Variants in IMMP2L observed in about 807,000 individuals in gnomAD.
IMMP2L encodes the protein inner mitochondrial membrane peptidase subunit 2.
A neutral mutation model predicts 19.3 loss-of-function variants in IMMP2L; 18 were observed. The observed-to-expected ratio is 0.93, with a 90% CI of 0.64 to 1.38. The LOEUF (loss-of-function observed/expected upper bound fraction) is 1.38. IMMP2L is among the 40% of genes most tolerant of loss of function. The probability of loss-of-function intolerance (pLI) is 0.00; values close to 1 mark genes in which losing one functional copy is unlikely to be tolerated. For synonymous variants in IMMP2L, 76 were observed against 73.0 expected (o/e 1.04, Z -0.21); for missense variants, 233 against 218.2 (o/e 1.07, Z -0.43).
chr7:111,317,515 T>C (rs1444808304), intron 3 of IMMP2L, among the ~76,000 whole-genome samples: 2 of 152,092 alleles, frequency 1.3e-5, no homozygotes, highest in African/African-American at 2.4e-5. Context: ...ATTTTGAAGA[T>C]ATAATAATAC....
At chr7:111,259,884 A>G (rs1377717145) in intron 3 of IMMP2L, among the ~76,000 whole-genome samples, 1 of 152,120 alleles carries the variant, frequency 6.6e-6, no homozygotes, top group African/African-American at 2.4e-5. Context: ...ACACAAACAC[A>G]CAAATTAGCC....
intron 3 of IMMP2L, among the ~76,000 whole-genome samples, chr7:110,988,230 A>C (rs1030666990): frequency 2.0e-5 from 3 of 152,228 alleles, no homozygotes; most frequent in African/African-American, 7.2e-5. Flanking sequence ...GTTTGGTAGC[A>C]GCCATAGGGG....
intron 3 of IMMP2L, among the ~76,000 whole-genome samples, chr7:111,334,471 G>A (rs1369958781): frequency 6.6e-6 from 1 of 151,944 alleles, no homozygotes; most frequent in Non-Finnish European, 1.5e-5. Context: ...TCAGTTGATT[G>A]GCACTTAGGT....
At chr7:111,155,062 A>T (rs1298737679) in intron 3 of IMMP2L, among the ~76,000 whole-genome samples, 2 of 152,120 alleles carry the variant, frequency 1.3e-5, no homozygotes, top group African/African-American at 4.8e-5. Context: ...CCAGATCATT[A>T]GTTATTATTA....
At position 111,421,482 on chromosome 7, in the gene IMMP2L, C is replaced by A. The variant is rs989041171; in HGVS notation, c.239+65756G>T. 7.0e-4 allele frequency among the ~76,000 whole-genome samples: 106 copies of A among 150,762 alleles called. 1 individual carries two copies. The highest frequency in any genetic ancestry group is 7.0e-3 in the Admixed American group (106 of 15,214). On this transcript the variant is annotated intron_variant, in intron 3 of 5. Coordinates refer to ENST00000405709, the MANE Select transcript of IMMP2L (RefSeq NM_032549.4). Reference sequence around the variant, plus strand: ...AGAGACGGGGTTTCACCGTGTTAGCCAGGATGGTCTCGATCTCCTGACCTT... The same window carrying A: ...AGAGACGGGGTTTCACCGTGTTAGCAAGGATGGTCTCGATCTCCTGACCTT...
intron 3 of IMMP2L, among the ~76,000 whole-genome samples, chr7:110,993,127 A>T (rs1161315027): frequency 2.0e-5 from 3 of 151,712 alleles, no homozygotes; most frequent in Admixed American, 6.6e-5. Context: ...TTTTTTTTTT[A>T]AAACAGGCCA....
At chr7:111,399,464 T>C (rs1391075772) in intron 3 of IMMP2L, among the ~76,000 whole-genome samples, 1 of 151,986 alleles carries the variant, frequency 6.6e-6, no homozygotes, top group Admixed American at 6.6e-5. Context: ...CAGATTCAAG[T>C]GTGCTTCAGC....
At chr7:111,505,756 T>G (rs1844824366) in intron 2 of IMMP2L, among the ~76,000 whole-genome samples, 1 of 150,134 alleles carries the variant, frequency 6.7e-6, no homozygotes, top group Non-Finnish European at 1.5e-5. Flanking sequence ...CACTCATAGG[T>G]GGGAATTGAA....
chr7:111,110,455 T>C (rs1193726795), intron 3 of IMMP2L, among the ~76,000 whole-genome samples: 1 of 152,174 alleles, frequency 6.6e-6, no homozygotes, highest in African/African-American at 2.4e-5. Flanking sequence ...TGATCACAAA[T>C]ATAGATTATA....
At chr7:110,882,026 G>A (rs1278352324) in intron 5 of IMMP2L, among the ~76,000 whole-genome samples, 1 of 152,124 alleles carries the variant, frequency 6.6e-6, no homozygotes, top group African/African-American at 2.4e-5. Flanking sequence ...TGTTGTGAAG[G>A]ACTGATTGTC....
rs567615513 is a variant in IMMP2L at position 111,080,603 on chromosome 7, A to G, written c.240-117038T>C. The stretch of plus-strand genomic sequence containing the variant: ...GTGATTGAAAGGACATGGAAAAATT[A>G]GACTTTTTAGCTAATTGTCTAAGAC... On this transcript the variant is annotated intron_variant, in intron 3 of 5. Coordinates refer to ENST00000405709, the MANE Select transcript of IMMP2L (RefSeq NM_032549.4). 6.6e-5 allele frequency among the ~76,000 whole-genome samples: 10 copies of G among 152,308 alleles called. No individual in the cohort carries two copies. The East Asian group carries it at 1.9e-3, about 29-fold the overall frequency.
At chr7:110,807,338 A>G (rs1801704276) in intron 5 of IMMP2L, among the ~76,000 whole-genome samples, 3 of 152,018 alleles carry the variant, frequency 2.0e-5, no homozygotes, top group Non-Finnish European at 4.4e-5. Context: ...TTGGCCATTA[A>G]AAAACCTAGT....
intron 4 of IMMP2L, among the ~76,000 whole-genome samples, chr7:110,911,279 A>G (rs1306992700): frequency 1.3e-5 from 2 of 152,150 alleles, no homozygotes; most frequent in Admixed American, 1.3e-4. Flanking sequence ...AGTTACAAAA[A>G]TGCATGCATT....
intron 3 of IMMP2L, among the ~76,000 whole-genome samples, chr7:111,284,400 G>T (rs1349288374): frequency 6.6e-6 from 1 of 152,102 alleles, no homozygotes; most frequent in African/African-American, 2.4e-5. Context: ...CATTGTGGCA[G>T]TTAGACAAAC....
At chr7:111,049,932 C>G (rs188437015) in intron 3 of IMMP2L, among the ~76,000 whole-genome samples, 1 of 152,200 alleles carries the variant, frequency 6.6e-6, no homozygotes. Context: ...GAGATGCCAT[C>G]TGAGAGCACA....
chr7:110,895,525 A>G (rs1811236382), intron 4 of IMMP2L, among the ~76,000 whole-genome samples: 1 of 152,100 alleles, frequency 6.6e-6, no homozygotes, highest in Non-Finnish European at 1.5e-5. Context: ...TGCATTTCCA[A>G]ACAGATTTTA....
At chr7:111,458,207 C>T (rs1206812740) in intron 3 of IMMP2L, among the ~76,000 whole-genome samples, 1 of 151,966 alleles carries the variant, frequency 6.6e-6, no homozygotes, top group Non-Finnish European at 1.5e-5. Flanking sequence ...GGTGAAACCC[C>T]ATCTCCACCA....
At chr7:111,504,358 G>A (rs1219041180) in intron 2 of IMMP2L, among the ~76,000 whole-genome samples, 2 of 152,046 alleles carry the variant, frequency 1.3e-5, no homozygotes, top group Admixed American at 6.6e-5. Context: ...CATGCTCATG[G>A]GTAGGAAGAA....
At chr7:111,266,249 A>C (rs1280001599) in intron 3 of IMMP2L, among the ~76,000 whole-genome samples, 1 of 152,182 alleles carries the variant, frequency 6.6e-6, no homozygotes. Context: ...CTGTCATTAA[A>C]AGAAACCAGG....
Sources: allele counts gnomAD v4.1 joint callset (sites outside exome capture counted in the v4.1 genomes callset), GRCh38; gene constraint gnomAD v4.1.1; transcripts MANE v1.5; gene names NCBI Gene and HGNC (gene_info 2026-07-23, HGNC 2026-07-21).